MFN1: variants seen among roughly 807,000 people sequenced by gnomAD.
The protein encoded by MFN1 is mitofusin 1.
In MFN1, 65 loss-of-function variants were observed where a neutral mutation model predicts 92.4. The observed-to-expected ratio is 0.70, with a 90% CI of 0.58 to 0.86. The LOEUF (loss-of-function observed/expected upper bound fraction) is 0.86, where lower values mean the gene tolerates loss of function less well. MFN1 is among the 40% of genes least tolerant of loss of function. The probability of loss-of-function intolerance (pLI) is 0.00; values close to 1 mark genes in which losing one functional copy is unlikely to be tolerated. For synonymous variants in MFN1, 297 were observed against 300.9 expected, an observed-to-expected ratio of 0.99 and a Z score of 0.13; for missense variants, 781 against 868.0, an observed-to-expected ratio of 0.90 and a Z score of 1.26.
At chr3:179,367,681 T>C in intron 8 of MFN1, 89 bp downstream of exon 8, 1 of 1,195,196 alleles carries the variant, frequency 8.4e-7, no homozygotes, top group Non-Finnish European at 1.1e-6. Flanking sequence ...TCCCAGCACT[T>C]TGGAAGGCTG....
At chr3:179,361,119 A>C (rs1011578469) in intron 4 of MFN1, among the ~76,000 whole-genome samples, 2 of 152,214 alleles carry the variant, frequency 1.3e-5, no homozygotes, top group African/African-American at 2.4e-5. Flanking sequence ...TCTCGAAAAG[A>C]AAAGAAAATA....
intron 1 of MFN1, 116 bp from the exon 2 acceptor site, chr3:179,348,729 A>G (rs773693930): frequency 1.4e-6 from 2 of 1,453,982 alleles, no homozygotes; most frequent in Non-Finnish European, 1.8e-6. Context: ...ACCTAAAAAC[A>G]TTTTGCCAGC....
In MFN1 at chr3:179,392,140, C is replaced by T; in HGVS notation, c.*81C>T. ...AACAGTTGTTATTTTTATGAAATTA[C>T]TTTAAATATGAATTGTACTAACTGT... On this transcript the variant is annotated 3_prime_UTR_variant, in exon 18 of 18. Coordinates refer to ENST00000471841, the MANE Select transcript of MFN1 (RefSeq NM_033540.3). 1 of 914,272 alleles carries T rather than the reference C, an allele frequency of 1.1e-6. No individual in the cohort carries two copies. The highest frequency in any genetic ancestry group is 1.7e-6 in the Non-Finnish European group (1 of 574,194). 56.6% of individuals were successfully genotyped at this position (914,272 alleles called of 1,614,324 possible).
At chr3:179,348,382 C>G (rs1055085861) in intron 1 of MFN1, among the ~76,000 whole-genome samples, 3 of 152,198 alleles carry the variant, frequency 2.0e-5, no homozygotes, top group African/African-American at 7.2e-5. Context: ...CCTCTTGAAG[C>G]CTTACCTTTC....
rs879259019 is a variant in MFN1 at position 179,393,257 on chromosome 3, A to G, written c.*1198A>G. 6.6e-6 allele frequency: 1 copy of G among 152,248 alleles called. No homozygotes were observed. Among genetic ancestry groups the G allele is most frequent in the African/African-American group, 2.4e-5 (1 of 41,476 alleles). 9.4% of individuals were successfully genotyped at this position (152,248 alleles called of 1,614,324 possible). A position where few individuals can be genotyped will look rare whatever the true frequency, so the allele number is the denominator to read the frequency against. ...TGAAACTCAGATGGAATGGAAATGT[A>G]CAAAAATGACACCATTCTAGGAATT... On this transcript the variant is annotated 3_prime_UTR_variant, in exon 18 of 18. Coordinates refer to ENST00000471841, the MANE Select transcript of MFN1 (RefSeq NM_033540.3).
chr3:179,349,212 T>C (rs559279891), intron 2 of MFN1, among the ~76,000 whole-genome samples: 2 of 152,182 alleles, frequency 1.3e-5, no homozygotes, highest in Non-Finnish European at 2.9e-5. Flanking sequence ...GAAATAGCTA[T>C]GTTAATAGTT....
chr3:179,363,250 A>G (rs1006748460), intron 5 of MFN1, among the ~76,000 whole-genome samples: 1 of 152,094 alleles, frequency 6.6e-6, no homozygotes, highest in Non-Finnish European at 1.5e-5. Flanking sequence ...ACGCCTGGCT[A>G]ATCTTTGTAT....
Position 179,377,072 on chromosome 3 carries a change from A to T in MFN1, c.1128A>T (p.Gln376His), listed in dbSNP as rs771018540. The change falls in exon 11 of 18, where the codon CAA (glutamine) becomes CAT (histidine). Residue 376 changes from glutamine to histidine, a missense_variant. Gln to His is a conservative substitution (Grantham distance 24). Coordinates refer to ENST00000471841, the MANE Select transcript of MFN1 (RefSeq NM_033540.3). ...RHYSVEERED[Q>H]IDRLDFIRNQ... ...ATTCAGTGGAAGAGAGGGAAGACCAAATTGATAGACTGGACTTTATTCGAA... is the reference window on the plus strand; with the variant it reads ...ATTCAGTGGAAGAGAGGGAAGACCATATTGATAGACTGGACTTTATTCGAA... 22 of 1,613,730 alleles carry T rather than the reference A, an allele frequency of 1.4e-5. No individual in the cohort carries two copies. The highest frequency in any genetic ancestry group is 1.9e-5 in the Non-Finnish European group (22 of 1,179,878).
chr3:179,365,242 T>C lies in MFN1; in HGVS notation c.753+17T>C. On this transcript the variant is annotated intron_variant, in intron 7 of 17. Transcript: ENST00000471841. Reference sequence around the variant, plus strand: ...ATGGAAGACGTAAGTTGTTATTTTTTTTTTTGTAGGTTTTGAAATACAGTC... The same window carrying C: ...ATGGAAGACGTAAGTTGTTATTTTTCTTTTTGTAGGTTTTGAAATACAGTC... The C allele has an allele frequency of 6.9e-7, 1 of 1,439,638 alleles. No individual in the cohort carries two copies. Among genetic ancestry groups the C allele is most frequent in the Non-Finnish European group, 9.3e-7 (1 of 1,072,152 alleles). The allele number at this position is 1,439,638 out of a possible 1,614,324, so 89.2% of individuals were successfully genotyped here. A position where few individuals can be genotyped will look rare whatever the true frequency, so the allele number is the denominator to read the frequency against.
Position 179,378,392 on chromosome 3 carries a change from T to C in MFN1, c.1381T>C (p.Cys461Arg), listed in dbSNP as rs1395998758. 3.7e-6 allele frequency: 6 copies of C among 1,607,140 alleles called. No homozygotes were observed. Among genetic ancestry groups the C allele is most frequent in the Non-Finnish European group, 5.1e-6 (6 of 1,178,286 alleles). Reference protein sequence around the residue: ...DGMGRNLADRCTDEVNALVLQ... With the variant: ...DGMGRNLADRRTDEVNALVLQ... ...TATGGGAAGAAATTTGGCTGATCGA[T>C]GCACCGATGAAGTAAACGCCTTAGT... Residue 461 changes from cysteine (C) to arginine (R), a missense_variant, in exon 13 of 18, where the codon TGC becomes CGC. By Grantham distance (180) the Cys-to-Arg change is radical (BLOSUM62 -3). Transcript: ENST00000471841.
At position 179,394,888 on chromosome 3, in the gene MFN1, G is replaced by A. The variant is rs1714044398; in HGVS notation, c.*2829G>A. The A allele has an allele frequency of 6.6e-6, 1 of 152,060 alleles. No individual in the cohort carries two copies. Among genetic ancestry groups the A allele is most frequent in the African/African-American group, 2.4e-5 (1 of 41,406 alleles). 9.4% of individuals were successfully genotyped at this position (152,060 alleles called of 1,614,324 possible). On this transcript the variant is annotated 3_prime_UTR_variant, in exon 18 of 18. Transcript: ENST00000471841. ...ATCTTTTTACAAAAATTTTTTTTCAGTATGCAAGCTTGCAAGATGAAAATA... is the reference window on the plus strand; with the variant it reads ...ATCTTTTTACAAAAATTTTTTTTCAATATGCAAGCTTGCAAGATGAAAATA...
chr3:179,378,252 T>A, intron 12 of MFN1, 89 bp from the exon 13 acceptor site: 1 of 974,194 alleles, frequency 1.0e-6, no homozygotes, highest in Non-Finnish European at 1.6e-6. Context: ...AAAAAGACCA[T>A]TTTGGCATTT....
At chr3:179,385,045 A>G (rs1447824966) in intron 14 of MFN1, among the ~76,000 whole-genome samples, 3 of 150,776 alleles carry the variant, frequency 2.0e-5, no homozygotes, top group African/African-American at 7.3e-5. Context: ...AGTTGGGACT[A>G]CAGGCATCCA....
intron 15 of MFN1, 62 bp downstream of exon 15, chr3:179,385,783 C>T (rs987774533): frequency 5.0e-5 from 74 of 1,493,782 alleles, no homozygotes; most frequent in Admixed American, 3.6e-5. Flanking sequence ...CCTGTTAGCT[C>T]ACAAAAGAAA....
chr3:179,376,048 CAT>C (rs140696597), intron 10 of MFN1, among the ~76,000 whole-genome samples: 2,533 of 152,274 alleles, frequency 0.017, 69 homozygotes, highest in African/African-American at 0.058. Flanking sequence ...TTGAAGGAAA[CAT>C]AAACGCATCA....
intron 3 of MFN1, 135 bp from the exon 4 acceptor site, chr3:179,358,705 A>G: frequency 1.2e-6 from 1 of 821,494 alleles, no homozygotes; most frequent in African/African-American, 1.7e-5. Context: ...CCAAGTGGTT[A>G]ATCTTTTCAT....
At chr3:179,370,699 C>T (rs570455273) in intron 9 of MFN1, among the ~76,000 whole-genome samples, 5 of 152,128 alleles carry the variant, frequency 3.3e-5, no homozygotes, top group African/African-American at 7.2e-5. Flanking sequence ...CGTGAGCCAC[C>T]GTGCCTGGCC....
intron 9 of MFN1, among the ~76,000 whole-genome samples, chr3:179,370,389 G>GTTATTTTT (rs1354406941): frequency 2.1e-5 from 2 of 96,796 alleles, no homozygotes; most frequent in South Asian, 7.2e-4. Context: ...CATTCACTAA[G>GTTATTTTT]TTCTTTTTTT....
intron 14 of MFN1, among the ~76,000 whole-genome samples, chr3:179,379,284 A>G (rs1222011034): frequency 6.6e-6 from 1 of 152,218 alleles, no homozygotes; most frequent in African/African-American, 2.4e-5. Context: ...TTTGTGCATT[A>G]CCCAGTATGG....
Sources: allele counts gnomAD v4.1 joint callset (sites outside exome capture counted in the v4.1 genomes callset), GRCh38; gene constraint gnomAD v4.1.1; transcripts MANE v1.5; gene names NCBI Gene and HGNC (gene_info 2026-07-23, HGNC 2026-07-21).